CFAP20DC: variants seen among roughly 807,000 people sequenced by gnomAD.
CFAP20DC encodes the protein protein CFAP20DC.
CFAP20DC carries 84 observed loss-of-function variants against 101.7 expected under a neutral mutation model. That is an observed-to-expected ratio of 0.83 (90% CI 0.69 to 0.99). The LOEUF is 0.99. Among genes scored for constraint, CFAP20DC ranks in the 50% least tolerant of loss-of-function variants. The pLI is 0.00. For missense variants in CFAP20DC, 1,007 were observed against 970.3 expected (o/e 1.04, Z -0.50); for synonymous variants, 359 against 351.2 (o/e 1.02, Z -0.25).
intron 4 of CFAP20DC, among the ~76,000 whole-genome samples, chr3:58,984,553 T>C (rs2092689279): frequency 6.6e-6 from 1 of 152,196 alleles, no homozygotes; most frequent in Non-Finnish European, 1.5e-5. Flanking sequence ...AAGATTTAAT[T>C]AGCTTACAGT....
chr3:58,872,334 A>C (rs2080297169), intron 7 of CFAP20DC, among the ~76,000 whole-genome samples: 1 of 152,050 alleles, frequency 6.6e-6, no homozygotes, highest in Non-Finnish European at 1.5e-5. Context: ...GTAGAGCTAT[A>C]ATTTTACATG....
downstream of CFAP20DC, chr3:58,717,241 A>ATCT: frequency 5.7e-6 from 1 of 175,530 alleles, no homozygotes; most frequent in Non-Finnish European, 1.2e-5. The surrounding 1 kb of genome is among the most constrained non-coding windows in gnomAD (Gnocchi z 4.1). Context: ...TGAGGGTAGG[A>ATCT]CGATGAAGGT....
chr3:58,937,252 T>G (rs2087826593), intron 5 of CFAP20DC, among the ~76,000 whole-genome samples: 1 of 152,224 alleles, frequency 6.6e-6, no homozygotes, highest in African/African-American at 2.4e-5. Context: ...CACGCTTCTG[T>G]CCATGCTGTT....
At chr3:58,929,453 T>C (rs553708087) in intron 5 of CFAP20DC, among the ~76,000 whole-genome samples, 3 of 152,202 alleles carry the variant, frequency 2.0e-5, no homozygotes, top group African/African-American at 4.8e-5. Context: ...GAATCTTACA[T>C]GAATAAGGAA....
At chr3:58,956,499 CCTTCTCAG>C (rs2090643738) in intron 4 of CFAP20DC, among the ~76,000 whole-genome samples, 1 of 152,072 alleles carries the variant, frequency 6.6e-6, no homozygotes, top group Non-Finnish European at 1.5e-5. Flanking sequence ...GGTTTGAGTG[CCTTCTCAG>C]CTGCAATACA....
intron 13 of CFAP20DC, among the ~76,000 whole-genome samples, chr3:58,845,227 G>C (rs1259413984): frequency 6.6e-6 from 1 of 150,508 alleles, no homozygotes; most frequent in Non-Finnish European, 1.5e-5. Context: ...TCCAGGAGCT[G>C]GTTTTTTGAA....
At chr3:58,979,747 T>C (rs774351471) in intron 4 of CFAP20DC, among the ~76,000 whole-genome samples, 3 of 152,186 alleles carry the variant, frequency 2.0e-5, no homozygotes, top group Non-Finnish European at 4.4e-5. Flanking sequence ...TTCTGAACCA[T>C]ATTATATTTT....
intron 15 of CFAP20DC, among the ~76,000 whole-genome samples, chr3:58,786,979 G>C (rs1389567662): frequency 6.6e-6 from 1 of 151,770 alleles, no homozygotes; most frequent in Non-Finnish European, 1.5e-5. Context: ...GGCACTATCT[G>C]TCGTTTTAGA....
intron 5 of CFAP20DC, among the ~76,000 whole-genome samples, chr3:58,917,653 A>G (rs999061179): frequency 3.9e-5 from 6 of 152,200 alleles, no homozygotes. Flanking sequence ...CTTTAGTTAT[A>G]ATTTCTCGAT....
rs562920896 is a variant in CFAP20DC, at chr3:58,732,989, C to T, written c.198-15361G>A. On this transcript the variant is annotated intron_variant, in intron 3 of 3. Transcript: ENST00000486145. The surrounding 1 kb of genome is among the most constrained non-coding windows in gnomAD (Gnocchi z 5.4). ...AATCTTATCCAATCATTAGAAAAAC[C>T]TCATTAATTTTGTCTACGGGGAAGA... 6.6e-6 allele frequency among the ~76,000 whole-genome samples: 1 copy of T among 152,278 alleles called. No homozygotes were observed. The highest frequency in any genetic ancestry group is 2.4e-5 in the African/African-American group (1 of 41,554).
At chr3:58,829,747 A>G (rs1306244812) in intron 14 of CFAP20DC, among the ~76,000 whole-genome samples, 1 of 152,198 alleles carries the variant, frequency 6.6e-6, no homozygotes, top group Admixed American at 6.5e-5. Context: ...AGGAGACTTC[A>G]GTCCTTGCCA....
intron 12 of CFAP20DC, chr3:58,862,778 G>A (rs927901264): frequency 2.3e-5 from 23 of 978,904 alleles, no homozygotes; most frequent in South Asian, 1.4e-4. Flanking sequence ...AAAGTTGTTC[G>A]TATTCTGCTT....
At chr3:58,808,054 T>G (rs1327439254) in intron 14 of CFAP20DC, among the ~76,000 whole-genome samples, 1 of 152,082 alleles carries the variant, frequency 6.6e-6, no homozygotes, top group East Asian at 1.9e-4. Flanking sequence ...CCAAGAAATA[T>G]GGGACTACGT....
At chr3:58,726,685 C>T (rs2067556985) in intron 3 of CFAP20DC, 2 of 206,304 alleles carry the variant, frequency 9.7e-6, no homozygotes, top group Admixed American at 1.2e-4. Flanking sequence ...GGACCCATCA[C>T]TTGCACTCAC....
chr3:58,984,310 C>G (rs2092682286), intron 4 of CFAP20DC, among the ~76,000 whole-genome samples: 2 of 152,176 alleles, frequency 1.3e-5, no homozygotes. Context: ...TGAGTGGTCA[C>G]TGTTTTTTGA....
At chr3:59,043,233 G>C (rs182384086) in intron 3 of CFAP20DC, among the ~76,000 whole-genome samples, 16 of 152,138 alleles carry the variant, frequency 1.1e-4, no homozygotes, top group African/African-American at 3.9e-4. Context: ...GTCCAGGGAC[G>C]CTGCAACATT....
intron 15 of CFAP20DC, among the ~76,000 whole-genome samples, chr3:58,773,585 C>T (rs979210581): frequency 1.2e-4 from 18 of 151,840 alleles, no homozygotes; most frequent in Admixed American, 3.9e-4. Flanking sequence ...AAAAAGTAAA[C>T]GCCAATGATG....
chr3:58,936,240 G>T (rs1346880035), intron 5 of CFAP20DC, among the ~76,000 whole-genome samples: 1 of 152,068 alleles, frequency 6.6e-6, no homozygotes, highest in Non-Finnish European at 1.5e-5. Context: ...TCTCACACCA[G>T]TTAGAATGGC....
intron 13 of CFAP20DC, among the ~76,000 whole-genome samples, chr3:58,835,166 T>C (rs549813232): frequency 3.9e-5 from 6 of 152,276 alleles, no homozygotes; most frequent in African/African-American, 1.4e-4. Flanking sequence ...CAAGACATAC[T>C]TCTGTCGTCA....
Sources: gnomAD v4.1 joint callset for allele counts (sites outside exome capture counted in the v4.1 genomes callset) on GRCh38, gnomAD v4.1.1 for gene constraint, Gnocchi (gnomAD v3.1) non-coding constraint, MANE v1.5 for transcripts, NCBI Gene and HGNC (gene_info 2026-07-23, HGNC 2026-07-21) for gene names.